KIF1A: variants seen among roughly 807,000 people sequenced by gnomAD.
The protein encoded by KIF1A is kinesin-like protein KIF1A.
A neutral mutation model predicts 227.3 loss-of-function variants in KIF1A; 46 were observed. The observed-to-expected ratio is 0.20, with a 90% CI of 0.16 to 0.26. The LOEUF (loss-of-function observed/expected upper bound fraction) is 0.26, where lower values mean the gene tolerates loss of function less well. KIF1A is among the 10% of genes least tolerant of loss of function. The pLI, the probability that KIF1A is intolerant of heterozygous loss-of-function variation, is 1.00. For synonymous variants in KIF1A, 1,022 were observed against 1,012.8 expected, an observed-to-expected ratio of 1.01 and a Z score of -0.17; for missense variants, 1,683 against 2,485.9, an observed-to-expected ratio of 0.68 and a Z score of 6.87.
intron 2 of KIF1A, among the ~76,000 whole-genome samples, chr2:240,791,332 A>T (rs1378252845): frequency 6.6e-6 from 1 of 152,098 alleles, no homozygotes; most frequent in African/African-American, 2.4e-5. Context: ...CAGCTCTGAC[A>T]CAGAGGCCTG....
intron 1 of KIF1A, among the ~76,000 whole-genome samples, chr2:240,803,902 G>T (rs2057180186): frequency 6.6e-6 from 1 of 152,170 alleles, no homozygotes; most frequent in South Asian, 2.1e-4. Context: ...AAAATAAATA[G>T]AAATTCCTCA....
At chr2:240,805,093 GGAGGGAGAGGGGAGGGAGGGAGA>G (rs2057294428) in intron 1 of KIF1A, among the ~76,000 whole-genome samples, 1 of 75,316 alleles carries the variant, frequency 1.3e-5, no homozygotes, top group African/African-American at 5.7e-5. Flanking sequence ...GAGGGAGAGG[GGAGGGAGAGGGGAGGGAGGGAGA>G]GGGGAGGGAG....
In KIF1A at chr2:240,757,088, C is replaced by T. The variant is rs1340480778; in HGVS notation, c.2858+231G>A. 1.3e-5 allele frequency among the ~76,000 whole-genome samples: 2 copies of T among 152,252 alleles called. No individual in the cohort carries two copies. The highest frequency in any genetic ancestry group is 6.5e-5 in the Admixed American group (1 of 15,292). ...CTCTTCTGTACCTGGAACCCAGACT[C>T]TTCCCTGCCGGCCCAAAGCGACCGT... On this transcript the variant is annotated intron_variant, in intron 27 of 48. Transcript: ENST00000498729. The surrounding 1 kb of genome is among the most constrained non-coding windows in gnomAD (Gnocchi z 6.2).
At chr2:240,821,331 C>T (rs6728251), upstream of KIF1A, among the ~76,000 whole-genome samples, 26,195 of 152,254 alleles carry the variant, frequency 0.17, 2,468 homozygotes, top group African/African-American at 0.2. Context: ...CTGGGAGAGC[C>T]GGCTTCACCT....
chr2:240,735,068 C>T (rs1029554897), intron 38 of KIF1A, among the ~76,000 whole-genome samples: 1 of 152,184 alleles, frequency 6.6e-6, no homozygotes, highest in Non-Finnish European at 1.5e-5. Context: ...CCTGGTCAGC[C>T]AAGCCACAGG....
rs2048698563 is a variant in KIF1A, at chr2:240,747,160, T to A, written c.3063+76A>T. On this transcript the variant is annotated intron_variant, in intron 29 of 48. Coordinates refer to ENST00000498729, the MANE Select transcript of KIF1A (RefSeq NM_001244008.2). The stretch of plus-strand genomic sequence containing the variant: ...CCCGTGGGATGGGACACAGGGGTGT[T>A]AGAGGAGCAAAGTGCACAGGACTCC... The A allele has an allele frequency of 8.4e-6, 9 of 1,074,946 alleles. No homozygotes were observed. The East Asian group carries it at 2.2e-4, about 26-fold the overall frequency. The allele number at this position is 1,074,946 out of a possible 1,614,324, so 66.6% of individuals were successfully genotyped here.
At position 240,758,354 on chromosome 2, in the gene KIF1A, G is replaced by A. The variant is rs553584258; in HGVS notation, c.2582+6C>T. ...CTCTCTGCCAAGGAAGGGAGGAGGCGCCCACCTGCCCACCAGCCGGAACCA... is the reference window on the plus strand; with the variant it reads ...CTCTCTGCCAAGGAAGGGAGGAGGCACCCACCTGCCCACCAGCCGGAACCA... On this transcript the variant is annotated splice_donor_region_variant and intron_variant, in intron 26 of 48. Coordinates refer to ENST00000498729, the MANE Select transcript of KIF1A (RefSeq NM_001244008.2). The surrounding 1 kb of genome is among the most constrained non-coding windows in gnomAD (Gnocchi z 5.2). The A allele has an allele frequency of 2.4e-5, 38 of 1,607,294 alleles. No individual in the cohort carries two copies. Among genetic ancestry groups the A allele is most frequent in the South Asian group, 7.8e-5 (7 of 90,050 alleles).
chr2:240,724,095 C>A, intron 40 of KIF1A, 59 bp from the exon 41 acceptor site: 1 of 1,469,840 alleles, frequency 6.8e-7, no homozygotes, highest in Non-Finnish European at 9.5e-7. Context: ...GGACACACAG[C>A]CAGCCTGGCT....
chr2:240,750,941 C>T (rs1027574414), intron 27 of KIF1A, among the ~76,000 whole-genome samples: 7 of 152,204 alleles, frequency 4.6e-5, no homozygotes, highest in Non-Finnish European at 8.8e-5. Flanking sequence ...TGGCCAGCAT[C>T]GCTCTGCCTC....
intron 28 of KIF1A, among the ~76,000 whole-genome samples, chr2:240,748,891 T>C (rs1465281240): frequency 6.6e-6 from 1 of 152,010 alleles, no homozygotes; most frequent in East Asian, 1.9e-4. Flanking sequence ...GAGGCCGAGA[T>C]GGGCAGATTA....
intron 44 of KIF1A, 136 bp downstream of exon 44, chr2:240,721,671 C>T (rs1462642212): frequency 4.1e-6 from 3 of 727,770 alleles, no homozygotes; most frequent in Non-Finnish European, 7.0e-6. Context: ...TATGAGGTGT[C>T]CCTCTGCACT....
Position 240,775,734 on chromosome 2 carries a change from T to C in KIF1A, c.958+117A>G, listed in dbSNP as rs1270996704. The C allele has an allele frequency of 5.6e-6, 4 of 718,544 alleles. No individual in the cohort carries two copies. The highest frequency in any genetic ancestry group is 5.0e-6 in the Non-Finnish European group (2 of 400,298). The allele number at this position is 718,544 out of a possible 1,614,324, so 44.5% of individuals were successfully genotyped here. Reference sequence around the variant, plus strand: ...GACCCTCCAGGTTCACCTCCCAGCCTCAGCCCAGAAAGGGTGAGAGGCCTG... The same window carrying C: ...GACCCTCCAGGTTCACCTCCCAGCCCCAGCCCAGAAAGGGTGAGAGGCCTG... On this transcript the variant is annotated intron_variant, in intron 11 of 48. Transcript: ENST00000498729. The surrounding 1 kb of genome is among the most constrained non-coding windows in gnomAD (Gnocchi z 5.5).
At chr2:240,791,735 C>T (rs1344022279) in intron 2 of KIF1A, among the ~76,000 whole-genome samples, 5 of 152,214 alleles carry the variant, frequency 3.3e-5, no homozygotes, top group Admixed American at 6.5e-5. Flanking sequence ...AGATGGTGCC[C>T]AAGGAATGCC....
chr2:240,721,085 C>G (rs577834811), intron 44 of KIF1A, 47 bp from the exon 45 acceptor site: 2 of 1,604,844 alleles, frequency 1.2e-6, no homozygotes, highest in Non-Finnish European at 1.7e-6. Context: ...AGGGGGGTCT[C>G]CGGCCTCTGT....
At chr2:240,719,999 C>A in intron 45 of KIF1A, 73 bp from the exon 46 acceptor site, 2 of 1,485,880 alleles carry the variant, frequency 1.3e-6, no homozygotes, top group East Asian at 2.4e-5. Context: ...CAGGCTTCAC[C>A]CTCCTCAGAG....
At chr2:240,768,396 G>A (rs906990859) in intron 17 of KIF1A, among the ~76,000 whole-genome samples, 7 of 152,246 alleles carry the variant, frequency 4.6e-5, no homozygotes, top group Non-Finnish European at 7.3e-5. Context: ...CCGGACCTCA[G>A]CGCGTGCTGG....
intron 2 of KIF1A, among the ~76,000 whole-genome samples, chr2:240,795,892 T>G (rs976966332): frequency 2.0e-5 from 3 of 152,214 alleles, no homozygotes; most frequent in African/African-American, 7.2e-5. Context: ...CCATCCACTC[T>G]GCTTCTGGTG....
intron 23 of KIF1A, 84 bp downstream of exon 23, chr2:240,762,635 G>T: frequency 7.1e-7 from 1 of 1,399,090 alleles, no homozygotes; most frequent in South Asian, 1.7e-5. Context: ...GCTGACCAGT[G>T]ACCTCCAGGG....
intron 41 of KIF1A, 129 bp from the exon 42 acceptor site, chr2:240,723,687 G>T: frequency 8.7e-7 from 1 of 1,144,310 alleles, no homozygotes; most frequent in Non-Finnish European, 1.2e-6. Flanking sequence ...CTGGTCCTTG[G>T]TCCACCCTGG....
Sources: allele counts gnomAD v4.1 joint callset (sites outside exome capture counted in the v4.1 genomes callset), GRCh38; gene constraint gnomAD v4.1.1; non-coding constraint Gnocchi (gnomAD v3.1); transcripts MANE v1.5; gene names NCBI Gene and HGNC (gene_info 2026-07-23, HGNC 2026-07-21).